Variants in ODF2 observed in about 807,000 individuals in gnomAD.
ODF2 encodes outer dense fiber protein 2.
ODF2 carries 47 observed loss-of-function variants against 110.2 expected under a neutral mutation model. That is an observed-to-expected ratio of 0.43 (90% CI 0.34 to 0.54). The LOEUF (loss-of-function observed/expected upper bound fraction) is 0.54. Among genes scored for constraint, ODF2 ranks in the 20% least tolerant of loss-of-function variants. The pLI is 0.03. For missense variants in ODF2, 812 were observed against 1,054.5 expected, an observed-to-expected ratio of 0.77 and a Z score of 3.19; for synonymous variants, 352 against 397.7, an observed-to-expected ratio of 0.89 and a Z score of 1.37.
At chr9:128,456,758 CGG>C (rs112684591) in intron 1 of ODF2, 23 of 887,004 alleles carry the variant, frequency 2.6e-5, no homozygotes, top group Non-Finnish European at 2.7e-5. Context: ...CCTCGCCCGG[CGG>C]GGGGGGGTCC....
chr9:128,456,474 T>C, intron 1 of ODF2: 1 of 1,522,442 alleles, frequency 6.6e-7, no homozygotes, highest in Non-Finnish European at 8.8e-7. Context: ...GGCCGCCTCC[T>C]TCCTCTCTTG....
exon 21 of ODF2, chr9:128,500,360 G>A (rs764498729): frequency 1.7e-4 from 194 of 1,136,758 alleles, no homozygotes; most frequent in Admixed American, 2.8e-4. Flanking sequence ...GTGAAAAAAT[G>A]GGTTCAGGGT....
chr9:128,469,258 T>C, exon 5 of ODF2: 3 of 1,614,100 alleles, frequency 1.9e-6, no homozygotes, highest in Non-Finnish European at 2.5e-6. Context: ...AAGTGACCTC[T>C]CTACAGAAGA....
At chr9:128,457,555 C>A in intron 2 of ODF2, 2 of 1,319,478 alleles carry the variant, frequency 1.5e-6, no homozygotes, top group Non-Finnish European at 2.0e-6. Flanking sequence ...AAGTCTGGAC[C>A]AAAACGTTTA....
At chr9:128,456,112 G>C (rs1834700584), upstream of ODF2, 2 of 1,547,194 alleles carry the variant, frequency 1.3e-6, no homozygotes, top group Non-Finnish European at 8.7e-7. Flanking sequence ...TGCCGACCGG[G>C]TGTCGGAAAA....
At chr9:128,491,034 G>T (rs1311559033) in intron 14 of ODF2, among the ~76,000 whole-genome samples, 2 of 151,036 alleles carry the variant, frequency 1.3e-5, no homozygotes, top group Non-Finnish European at 3.0e-5. Context: ...TATATTTTTG[G>T]TAGAGATGGC....
intron 6 of ODF2, among the ~76,000 whole-genome samples, chr9:128,471,895 A>G (rs1442102702): frequency 6.6e-6 from 1 of 152,200 alleles, no homozygotes; most frequent in Non-Finnish European, 1.5e-5. Context: ...TAAGGGGGCC[A>G]CATAGGTTGG....
At chr9:128,456,618 T>G (rs1014473243) in intron 1 of ODF2, 3 of 1,513,144 alleles carry the variant, frequency 2.0e-6, no homozygotes, top group African/African-American at 2.8e-5. Flanking sequence ...AGGCTCTCCC[T>G]CGCTCTGCTG....
chr9:128,467,057 A>AGT (rs1838386133), intron 4 of ODF2, among the ~76,000 whole-genome samples: 1 of 109,304 alleles, frequency 9.1e-6, no homozygotes, highest in African/African-American at 3.4e-5. Context: ...ATATATATAT[A>AGT]GTCATATATC....
intron 14 of ODF2, among the ~76,000 whole-genome samples, chr9:128,490,960 A>G (rs995081030): frequency 1.3e-5 from 2 of 152,146 alleles, no homozygotes; most frequent in African/African-American, 4.8e-5. Context: ...TCCCACCTGC[A>G]TTATAAGTTG....
chr9:128,460,642 G>A (rs564746923), intron 3 of ODF2: 15 of 1,614,086 alleles, frequency 9.3e-6, no homozygotes, highest in Admixed American at 6.7e-5. Flanking sequence ...AAAAACTCCC[G>A]AAACCATCAG....
Position 128,456,222 on chromosome 9 carries a change from G to A in ODF2, c.-242G>A, listed in dbSNP as rs1367997136. ...GCCTCCGACTTCAACGACTTCATAA[G>A]GCGGCGTTTCTGGGCGCAGCCGTGT... On this transcript the variant is annotated 5_prime_UTR_variant, in exon 1 of 21. Transcript: ENST00000604420. 1.1e-5 allele frequency: 17 copies of A among 1,547,158 alleles called. No individual in the cohort carries two copies. Among genetic ancestry groups the A allele is most frequent in the Non-Finnish European group, 1.4e-5 (16 of 1,145,940 alleles).
At chr9:128,467,870 C>T (rs559524417) in intron 4 of ODF2, among the ~76,000 whole-genome samples, 9 of 151,976 alleles carry the variant, frequency 5.9e-5, no homozygotes, top group Admixed American at 5.3e-4. Flanking sequence ...CTACCACGCC[C>T]GGCTAATTTT....
intron 4 of ODF2, among the ~76,000 whole-genome samples, chr9:128,461,627 C>T (rs569736407): frequency 6.6e-5 from 10 of 152,270 alleles, no homozygotes; most frequent in African/African-American, 2.4e-4. Context: ...TCGTGTTGGC[C>T]AGGCTGGTCT....
intron 4 of ODF2, among the ~76,000 whole-genome samples, chr9:128,461,760 A>C (rs539865297): frequency 1.3e-5 from 2 of 152,240 alleles, no homozygotes; most frequent in Middle Eastern, 3.4e-3. Flanking sequence ...CTTTCATACC[A>C]GCAGTGAAAA....
intron 1 of ODF2, chr9:128,456,990 C>G: frequency 8.0e-7 from 1 of 1,252,070 alleles, no homozygotes; most frequent in Non-Finnish European, 1.0e-6. Context: ...TTCTGGCCCT[C>G]TGGGGCCCAC....
Position 128,485,573 on chromosome 9 carries a change from G to A in ODF2, c.1400+99G>A, listed in dbSNP as rs1052281986. On this transcript the variant is annotated intron_variant, in intron 13 of 20. Coordinates refer to ENST00000604420, the Ensembl canonical transcript of ODF2. The surrounding 1 kb of genome is among the most constrained non-coding windows in gnomAD (Gnocchi z 5.0). The stretch of plus-strand genomic sequence containing the variant: ...GCTCAGGGAAGGCCACGTGGCTGCT[G>A]TTTGTACTCTCCGGGTTGGGGGCTG... 6.0e-5 allele frequency: 40 copies of A among 672,242 alleles called. No individual in the cohort carries two copies. The highest frequency in any genetic ancestry group is 1.4e-4 in the Admixed American group (6 of 42,638). 41.6% of individuals were successfully genotyped at this position (672,242 alleles called of 1,614,324 possible). A position where few individuals can be genotyped will look rare whatever the true frequency, so the allele number is the denominator to read the frequency against.
chr9:128,472,149 G>A (rs1451333560), intron 6 of ODF2, among the ~76,000 whole-genome samples: 3 of 152,032 alleles, frequency 2.0e-5, no homozygotes, highest in Admixed American at 6.6e-5. Context: ...GCGTCGCGGC[G>A]GGCGCCTATA....
In ODF2 at chr9:128,482,259, T is replaced by C. The variant is rs545694753; in HGVS notation, c.916-557T>C. 6.6e-5 allele frequency among the ~76,000 whole-genome samples: 10 copies of C among 152,348 alleles called. No individual in the cohort carries two copies. The East Asian group carries it at 1.9e-3, about 29-fold the overall frequency. On this transcript the variant is annotated intron_variant, in intron 9 of 20. Coordinates refer to ENST00000604420, the Ensembl canonical transcript of ODF2. ...AGGCCCAGTTTCCCAAGGTGTGGTC[T>C]GTGGCCTCTGATGCTTAGTTGAGGA...
Sources: gnomAD v4.1 joint callset for allele counts (sites outside exome capture counted in the v4.1 genomes callset) on GRCh38, gnomAD v4.1.1 for gene constraint, Gnocchi (gnomAD v3.1) non-coding constraint, MANE v1.5 for transcripts, NCBI Gene and HGNC (gene_info 2026-07-23, HGNC 2026-07-21) for gene names.